SPAG16: variants seen among roughly 807,000 people sequenced by gnomAD.
SPAG16 encodes sperm-associated antigen 16 protein.
SPAG16 carries 86 observed loss-of-function variants against 80.4 expected under a neutral mutation model. The observed-to-expected ratio is 1.07, with a 90% CI of 0.90 to 1.28. The LOEUF is 1.28. Among genes scored for constraint, SPAG16 ranks in the 50% most tolerant of loss-of-function variants. SPAG16 has a pLI of 0.00. For synonymous variants in SPAG16, 294 were observed against 265.9 expected (o/e 1.11, Z -1.03); for missense variants, 870 against 765.3 (o/e 1.14, Z -1.61).
rs148619489 is a variant in SPAG16 at position 213,421,930 on chromosome 2, G to C, written c.942+46811G>C. Among the ~76,000 whole-genome samples, 799 of 152,282 alleles carry C rather than the reference G, an allele frequency of 5.2e-3. 4 individuals carry two copies. The highest frequency in any genetic ancestry group is 0.017 in the African/African-American group (710 of 41,570). On this transcript the variant is annotated intron_variant, in intron 9 of 15. Transcript: ENST00000331683. ...ATTGGGCTGACGTGCCTGCAGAAAT[G>C]AGCTACCCACTTTGGGTCTCCTGAG...
At chr2:214,143,501 A>G (rs1226198454) in intron 14 of SPAG16, among the ~76,000 whole-genome samples, 7 of 152,116 alleles carry the variant, frequency 4.6e-5, no homozygotes, top group Non-Finnish European at 1.0e-4. Flanking sequence ...CAGCTGTGAC[A>G]TTATTTACAG....
intron 10 of SPAG16, among the ~76,000 whole-genome samples, chr2:213,844,401 G>A (rs10932503): frequency 0.25 from 38,014 of 152,052 alleles, 5,273 homozygotes; most frequent in South Asian, 0.38. Context: ...CAGTGATTTC[G>A]GTTATCTAGC....
chr2:213,886,051 A>G (rs2076542469), intron 11 of SPAG16, among the ~76,000 whole-genome samples: 1 of 152,122 alleles, frequency 6.6e-6, no homozygotes, highest in African/African-American at 2.4e-5. Context: ...ATCTAGTGCT[A>G]ATTTTCTAAG....
At chr2:213,677,692 A>T (rs2064157678) in intron 10 of SPAG16, among the ~76,000 whole-genome samples, 2 of 152,196 alleles carry the variant, frequency 1.3e-5, no homozygotes, top group African/African-American at 2.4e-5. Context: ...CCCCACTGTC[A>T]ACGTTAGACA....
chr2:213,740,474 C>T (rs1000024115), intron 10 of SPAG16, among the ~76,000 whole-genome samples: 8 of 152,184 alleles, frequency 5.3e-5, no homozygotes, highest in Non-Finnish European at 1.0e-4. Flanking sequence ...TAAAGAGGGC[C>T]ACATTTTCTT....
At chr2:214,329,400 C>A (rs1047139638) in intron 15 of SPAG16, among the ~76,000 whole-genome samples, 1 of 152,180 alleles carries the variant, frequency 6.6e-6, no homozygotes, top group East Asian at 1.9e-4. Flanking sequence ...TTCATTTATT[C>A]TACTTGATTA....
At chr2:213,348,573 G>A (rs2065136620) in intron 6 of SPAG16, among the ~76,000 whole-genome samples, 1 of 152,042 alleles carries the variant, frequency 6.6e-6, no homozygotes, top group Admixed American at 6.6e-5. Flanking sequence ...GGCAGGCCTG[G>A]TGGTGACAAA....
At chr2:214,352,584 C>CTGTG (rs57102028) in intron 15 of SPAG16, among the ~76,000 whole-genome samples, 2 of 131,376 alleles carry the variant, frequency 1.5e-5, no homozygotes, top group Non-Finnish European at 3.0e-5. Flanking sequence ...GTATGTGTGA[C>CTGTG]TATCTCCTAA....
chr2:214,351,918 G>T (rs1698443135), intron 15 of SPAG16, among the ~76,000 whole-genome samples: 2 of 152,180 alleles, frequency 1.3e-5, no homozygotes, highest in Non-Finnish European at 2.9e-5. Flanking sequence ...CATACACTGT[G>T]TAGCTTATAA....
intron 15 of SPAG16, among the ~76,000 whole-genome samples, chr2:214,278,442 A>T (rs1369821356): frequency 6.6e-6 from 1 of 152,168 alleles, no homozygotes; most frequent in South Asian, 2.1e-4. Flanking sequence ...CTATGCAGCC[A>T]TCTTAGAACC....
chr2:213,541,920 T>C (rs1194404522), intron 10 of SPAG16, among the ~76,000 whole-genome samples: 5 of 151,962 alleles, frequency 3.3e-5, no homozygotes, highest in Non-Finnish European at 7.4e-5. Flanking sequence ...GCCTGGGGAG[T>C]GGATGGAGAT....
intron 11 of SPAG16, among the ~76,000 whole-genome samples, chr2:213,893,975 C>T (rs2076892142): frequency 6.6e-6 from 1 of 151,972 alleles, no homozygotes; most frequent in African/African-American, 2.4e-5. Flanking sequence ...AGTAAAGAAA[C>T]AAGACTTTAT....
At chr2:213,580,683 T>C (rs916455631) in intron 10 of SPAG16, among the ~76,000 whole-genome samples, 5 of 152,154 alleles carry the variant, frequency 3.3e-5, no homozygotes, top group African/African-American at 1.2e-4. Flanking sequence ...AGTCATCTCA[T>C]TGTTGTCTTA....
chr2:214,221,764 G>A (rs2058576587), intron 15 of SPAG16, among the ~76,000 whole-genome samples: 1 of 152,048 alleles, frequency 6.6e-6, no homozygotes, highest in Admixed American at 6.5e-5. Flanking sequence ...AATATTTCAT[G>A]TTATTTTTCG....
chr2:214,223,288 A>T (rs927858661), intron 15 of SPAG16, among the ~76,000 whole-genome samples: 1 of 152,170 alleles, frequency 6.6e-6, no homozygotes, highest in Non-Finnish European at 1.5e-5. Context: ...TGAAGTATCC[A>T]TTATAATAAT....
At chr2:214,052,551 A>T (rs1260232514) in intron 13 of SPAG16, among the ~76,000 whole-genome samples, 14 of 152,220 alleles carry the variant, frequency 9.2e-5, no homozygotes, top group Admixed American at 7.9e-4. Flanking sequence ...TCTGGAATCA[A>T]GGTCCAGTCT....
intron 1 of SPAG16, 55 bp from the exon 2 acceptor site, chr2:213,296,009 T>C (rs752450048): frequency 1.4e-6 from 2 of 1,461,080 alleles, no homozygotes; most frequent in East Asian, 2.3e-5. Flanking sequence ...AATCAATTTT[T>C]GTGCAATAAT....
At chr2:214,377,381 C>T (rs888357113) in intron 15 of SPAG16, among the ~76,000 whole-genome samples, 1 of 152,104 alleles carries the variant, frequency 6.6e-6, no homozygotes, top group Admixed American at 6.6e-5. Context: ...TTGATATGTA[C>T]CATAGATGGA....
intron 9 of SPAG16, among the ~76,000 whole-genome samples, chr2:213,402,569 C>G (rs558385752): frequency 1.4e-5 from 2 of 146,498 alleles, no homozygotes; most frequent in African/African-American, 2.5e-5. Flanking sequence ...AATGCTATCC[C>G]TCCCCCCTCC....
Sources: allele counts gnomAD v4.1 joint callset (sites outside exome capture counted in the v4.1 genomes callset), GRCh38; gene constraint gnomAD v4.1.1; transcripts MANE v1.5; gene names NCBI Gene and HGNC (gene_info 2026-07-23, HGNC 2026-07-21).